Variants in LRRC2 observed in about 807,000 individuals in gnomAD.
LRRC2 encodes the protein leucine-rich repeat-containing protein 2.
In LRRC2, 27 loss-of-function variants were observed where a neutral mutation model predicts 40.2. The ratio of observed to expected loss-of-function variants is 0.67; its 90% CI spans 0.49 to 0.93. The LOEUF (loss-of-function observed/expected upper bound fraction) is 0.93, where lower values mean the gene tolerates loss of function less well. Ranked by LOEUF, LRRC2 falls within the 40% of genes least tolerant of loss-of-function variation. The pLI is 0.00. For synonymous variants in LRRC2, 147 were observed against 158.9 expected (o/e 0.92, Z 0.56); for missense variants, 402 against 439.6 (o/e 0.91, Z 0.76).
intron 1 of LRRC2, among the ~76,000 whole-genome samples, 163 bp from the exon 2 acceptor site, chr3:46,551,773 T>TTTTC: frequency 7.0e-6 from 1 of 142,256 alleles, no homozygotes; most frequent in East Asian, 2.0e-4. Flanking sequence ...TTTTTTTTTT[T>TTTTC]TAGCTTGTTT....
intron 2 of LRRC2, 169 bp downstream of exon 2, chr3:46,551,298 T>G: frequency 1.5e-6 from 1 of 658,948 alleles, no homozygotes; most frequent in Non-Finnish European, 2.4e-6. Flanking sequence ...TCATAGGAAC[T>G]GCGTATTTGT....
chr3:46,557,298 A>G (rs577192852), intron 1 of LRRC2: 50 of 148,528 alleles, frequency 3.4e-4, no homozygotes, highest in Non-Finnish European at 5.8e-4. Flanking sequence ...GCACCTTGCG[A>G]CCCCCACTCC....
intron 7 of LRRC2, among the ~76,000 whole-genome samples, chr3:46,525,718 T>A (rs1704047675): frequency 6.6e-6 from 1 of 152,238 alleles, no homozygotes; most frequent in South Asian, 2.1e-4. Flanking sequence ...CACTTAAGTA[T>A]AATTTTTGGA....
intron 2 of LRRC2, among the ~76,000 whole-genome samples, chr3:46,550,339 G>A (rs537501395): frequency 2.0e-5 from 3 of 150,694 alleles, no homozygotes; most frequent in Non-Finnish European, 4.4e-5. Context: ...AATGAAGGTG[G>A]AGAACCAAGA....
At chr3:46,525,649 A>C (rs1250752578) in intron 7 of LRRC2, among the ~76,000 whole-genome samples, 1 of 152,136 alleles carries the variant, frequency 6.6e-6, no homozygotes, top group Non-Finnish European at 1.5e-5. Context: ...ATACTGTCAA[A>C]TGCATTTTTC....
At chr3:46,550,884 A>T (rs1421421079) in intron 2 of LRRC2, among the ~76,000 whole-genome samples, 1 of 152,248 alleles carries the variant, frequency 6.6e-6, no homozygotes, top group Admixed American at 6.5e-5. Context: ...AAAATTGCAG[A>T]CATATGCAAA....
chr3:46,532,136 C>A (rs947015364), intron 5 of LRRC2, among the ~76,000 whole-genome samples: 1 of 152,108 alleles, frequency 6.6e-6, no homozygotes, highest in Non-Finnish European at 1.5e-5. Context: ...CTTTTATTTT[C>A]AATTTTACCA....
chr3:46,533,720 T>TCCTC (rs1466910681), intron 4 of LRRC2, among the ~76,000 whole-genome samples: 1 of 144,594 alleles, frequency 6.9e-6, no homozygotes, highest in Non-Finnish European at 1.5e-5. Context: ...CTTCCTTCCT[T>TCCTC]CCTTCCTTCC....
intron 2 of LRRC2, among the ~76,000 whole-genome samples, chr3:46,550,122 C>T (rs2107035049): frequency 6.6e-6 from 1 of 152,300 alleles, no homozygotes; most frequent in South Asian, 2.1e-4. Context: ...GTTCTAACTA[C>T]CTGTGATTAC....
At chr3:46,559,755 C>T (rs564311750) in intron 1 of LRRC2, 2 of 152,126 alleles carry the variant, frequency 1.3e-5, no homozygotes, top group Admixed American at 1.3e-4. Flanking sequence ...AAGGCCCTGA[C>T]ATATTTTTAA....
chr3:46,527,692 GTGACCTTTA>G (rs1704084612), intron 6 of LRRC2, 111 bp from the exon 7 acceptor site: 1 of 911,144 alleles, frequency 1.1e-6, no homozygotes, highest in Non-Finnish European at 1.7e-6. Flanking sequence ...TTTTATACAT[GTGACCTTTA>G]TGAGAACCAA....
rs1187532999 is a variant in LRRC2, at chr3:46,517,275, C to T, written c.*1739G>A. 4.3e-5 allele frequency: 5 copies of T among 115,416 alleles called. No individual in the cohort carries two copies. Among genetic ancestry groups the T allele is most frequent in the African/African-American group, 1.5e-4 (5 of 33,532 alleles). The allele number at this position is 115,416 out of a possible 1,614,324, so 7.1% of individuals were successfully genotyped here. A position where few individuals can be genotyped will look rare whatever the true frequency, so the allele number is the denominator to read the frequency against. ...TTTTCCTTCTTAGTCACAAAAGCTG[C>T]TTGTTTTTGTTTTTTTTTTTTTAGT... On this transcript the variant is annotated 3_prime_UTR_variant, in exon 9 of 9. Coordinates refer to ENST00000395905, the MANE Select transcript of LRRC2 (RefSeq NM_024512.5).
At chr3:46,546,768 G>C (rs1442548733) in intron 2 of LRRC2, among the ~76,000 whole-genome samples, 1 of 137,704 alleles carries the variant, frequency 7.3e-6, no homozygotes, top group East Asian at 2.0e-4. Flanking sequence ...ACCCAGGCTG[G>C]AGTGCAATGG....
intron 6 of LRRC2, 38 bp downstream of exon 6, chr3:46,529,867 C>CATTAAAA: frequency 6.2e-7 from 1 of 1,609,336 alleles, no homozygotes; most frequent in Non-Finnish European, 8.5e-7. Flanking sequence ...GCGTTAGTAA[C>CATTAAAA]TAATACATAC....
intron 1 of LRRC2, among the ~76,000 whole-genome samples, chr3:46,565,120 T>G (rs937187218): frequency 2.6e-5 from 4 of 152,264 alleles, no homozygotes; most frequent in Non-Finnish European, 5.9e-5. Context: ...AGAGTTTCCC[T>G]GGGGACTTCT....
intron 5 of LRRC2, among the ~76,000 whole-genome samples, chr3:46,531,685 T>C (rs1356361082): frequency 1.3e-5 from 2 of 152,170 alleles, no homozygotes; most frequent in Non-Finnish European, 2.9e-5. Flanking sequence ...CGGGGAACCA[T>C]GACCCCTGGC....
intron 6 of LRRC2, among the ~76,000 whole-genome samples, chr3:46,528,715 A>T (rs1704106229): frequency 6.6e-6 from 1 of 152,172 alleles, no homozygotes; most frequent in African/African-American, 2.4e-5. Context: ...GCATCAATAC[A>T]CATCACATGT....
Position 46,545,034 on chromosome 3 carries a change from GC to G in LRRC2, c.333+11del, listed in dbSNP as rs758878420. The G allele has an allele frequency of 1.3e-5, 21 of 1,611,262 alleles. No homozygotes were observed. In the South Asian group the frequency reaches 2.2e-4, roughly 17 times the overall value. On this transcript the variant is annotated intron_variant, in intron 3 of 8. Coordinates refer to ENST00000395905, the MANE Select transcript of LRRC2 (RefSeq NM_024512.5). ...CACAGCACTGCATTGGGCGAGAACT[GC>G]CTCGACTCACCGTCCAGTGCTCCCC...
intron 4 of LRRC2, among the ~76,000 whole-genome samples, chr3:46,535,561 C>A (rs1057503084): frequency 6.6e-6 from 1 of 152,046 alleles, no homozygotes; most frequent in African/African-American, 2.4e-5. Context: ...CATTCTGACC[C>A]CTTATCCTAC....
Sources: gnomAD v4.1 joint callset for allele counts (sites outside exome capture counted in the v4.1 genomes callset) on GRCh38, gnomAD v4.1.1 for gene constraint, MANE v1.5 for transcripts, NCBI Gene and HGNC (gene_info 2026-07-23, HGNC 2026-07-21) for gene names.